ARHGEF40: variants seen among roughly 807,000 people sequenced by gnomAD.
The protein encoded by ARHGEF40 is Rho guanine nucleotide exchange factor (GEF) 40.
In ARHGEF40, 98 loss-of-function variants were observed where a neutral mutation model predicts 165.9. That is an observed-to-expected ratio of 0.59 (90% CI 0.50 to 0.70). The LOEUF (loss-of-function observed/expected upper bound fraction) is 0.70, where lower values mean the gene tolerates loss of function less well. Ranked by LOEUF, ARHGEF40 falls within the 30% of genes least tolerant of loss-of-function variation. The probability of loss-of-function intolerance (pLI) is 0.00; values close to 1 mark genes in which losing one functional copy is unlikely to be tolerated. For synonymous variants in ARHGEF40, 792 were observed against 814.3 expected, an observed-to-expected ratio of 0.97 and a Z score of 0.47; for missense variants, 1,815 against 1,968.0, an observed-to-expected ratio of 0.92 and a Z score of 1.47.
intron 23 of ARHGEF40, 25 bp from the exon 24 acceptor site, chr14:21,088,989 C>CT: frequency 9.7e-7 from 1 of 1,030,246 alleles, no homozygotes; most frequent in South Asian, 1.5e-5. Context: ...CCCAACTCAT[C>CT]TCCCTCTTCT....
chr14:21,077,642 C>T (rs994758756), intron 8 of ARHGEF40, among the ~76,000 whole-genome samples: 1 of 152,108 alleles, frequency 6.6e-6, no homozygotes, highest in African/African-American at 2.4e-5. Context: ...TCCTCATCAG[C>T]GCAGTATAAC....
chr14:21,080,921 A>G lies in ARHGEF40; in HGVS notation c.2545A>G (p.Thr849Ala). ...GGCCCTGGCTCTGGAGGAGAATGCC[A>G]CCTCCCAGAAGGTGCTGGATATCTT... ...REALALEENA[T>A]SQKVLDIFEQ... The change falls in exon 13 of 24, where the codon ACC becomes GCC. Residue 849 changes from threonine (T) to alanine (A), a missense_variant. Coordinates refer to ENST00000298694, the MANE Select transcript of ARHGEF40 (RefSeq NM_018071.5). 2 of 1,614,056 alleles carry G rather than the reference A, an allele frequency of 1.2e-6. No homozygotes were observed. Among genetic ancestry groups the G allele is most frequent in the South Asian group, 2.2e-5 (2 of 91,068 alleles).
Position 21,075,276 on chromosome 14 carries a change from A to C in ARHGEF40, c.1451-56A>C. 1 of 1,603,220 alleles carries C rather than the reference A, an allele frequency of 6.2e-7. No homozygotes were observed. The highest frequency in any genetic ancestry group is 8.5e-7 in the Non-Finnish European group (1 of 1,174,886). On this transcript the variant is annotated intron_variant, in intron 3 of 23. Transcript: ENST00000298694. This position sits in a 1 kb window ranked among gnomAD's most constrained non-coding sequence, Gnocchi z 4.5. ...GGAGGAGCAGGGTTAGGCTGGGAGC[A>C]GAACAACCAGAACCATCTTAACTTC...
At chr14:21,081,176 G>A (rs61978202) in intron 13 of ARHGEF40, 160 bp downstream of exon 13, 57,283 of 1,193,318 alleles carry the variant, frequency 0.048, 1,537 homozygotes, top group South Asian at 0.076. Context: ...ATGGCATGGG[G>A]CAAGATACTA....
intron 15 of ARHGEF40, 85 bp from the exon 16 acceptor site, chr14:21,082,746 T>C (rs1460885952): frequency 2.8e-6 from 4 of 1,412,822 alleles, no homozygotes; most frequent in Non-Finnish European, 4.0e-6. Flanking sequence ...TCATTTGGGC[T>C]ACAGAGAGGA....
At chr14:21,088,940 T>A in intron 23 of ARHGEF40, 64 bp downstream of exon 23, 1 of 1,530,536 alleles carries the variant, frequency 6.5e-7, no homozygotes, top group Middle Eastern at 1.8e-4. Flanking sequence ...GTACCTTCCT[T>A]CCTGTCCCCG....
At position 21,088,041 on chromosome 14, in the gene ARHGEF40, C is replaced by A. The variant is rs749907421; in HGVS notation, c.4461C>A (p.His1487Gln). 3 of 1,614,052 alleles carry A rather than the reference C, an allele frequency of 1.9e-6. No individual in the cohort carries two copies. The East Asian group carries it at 6.7e-5, about 36-fold the overall frequency. The change falls in exon 22 of 24, where the codon CAC (histidine) becomes CAA (glutamine). Residue 1487 changes from histidine to glutamine, a missense_variant. Coordinates refer to ENST00000298694, the MANE Select transcript of ARHGEF40 (RefSeq NM_018071.5). ...PRNSPSLQPP[H>Q]PGSSTPTLAS... is the part of the protein sequence containing the mutation. ...ACAGCCCCAGCCTGCAACCCCCCCA[C>A]CCTGGGAGCAGCACTCCCACCCTGG...
At chr14:21,066,345 G>T (rs1886265796), upstream of ARHGEF40, among the ~76,000 whole-genome samples, 1 of 150,840 alleles carries the variant, frequency 6.6e-6, no homozygotes, top group Non-Finnish European at 1.5e-5. Flanking sequence ...TTTGGAGACG[G>T]AGTCTCACTT....
chr14:21,085,103 G>T (rs1291940027), intron 18 of ARHGEF40, among the ~76,000 whole-genome samples, 180 bp downstream of exon 18: 1 of 152,132 alleles, frequency 6.6e-6, no homozygotes, highest in Non-Finnish European at 1.5e-5. Context: ...CCCTGTCTTT[G>T]GTCTACCTCA....
upstream of ARHGEF40, among the ~76,000 whole-genome samples, chr14:21,065,574 A>C (rs1180572685): frequency 6.6e-6 from 1 of 152,222 alleles, no homozygotes; most frequent in Non-Finnish European, 1.5e-5. Context: ...AAATGCTATG[A>C]AGAAAATACA....
At chr14:21,069,428 ACTGGAGGCCTGGTGCCTTCCCTCTT>A (rs1886495086), upstream of ARHGEF40, among the ~76,000 whole-genome samples, 1 of 152,184 alleles carries the variant, frequency 6.6e-6, no homozygotes, top group Non-Finnish European at 1.5e-5. Context: ...GAATCCTCGA[ACTGGAGGCCTGGTGCCTTCCCTCTT>A]CTAGCCGAAT....
Position 21,073,112 on chromosome 14 carries a change from C to T in ARHGEF40, c.71C>T (p.Thr24Ile). 1 of 1,614,180 alleles carries T rather than the reference C, an allele frequency of 6.2e-7. No homozygotes were observed. The highest frequency in any genetic ancestry group is 1.1e-5 in the South Asian group (1 of 91,088). Residue 24 changes from threonine (T) to isoleucine (I), a missense_variant, in exon 2 of 24, where the codon ACA becomes ATA. Transcript: ENST00000298694. The surrounding 1 kb of genome is among the most constrained non-coding windows in gnomAD (Gnocchi z 4.6). ...LAALYPPFEA[T>I]APTLLGQVFQ... ...GCCCTGTATCCACCCTTTGAGGCAA[C>T]AGCCCCCACCCTGTTGGGCCAGGTG...
chr14:21,068,914 G>A (rs1886447420), upstream of ARHGEF40, among the ~76,000 whole-genome samples: 1 of 152,226 alleles, frequency 6.6e-6, no homozygotes, highest in African/African-American at 2.4e-5. Flanking sequence ...AGAAGAGCAA[G>A]TCACCTTGGC....
intron 16 of ARHGEF40, among the ~76,000 whole-genome samples, chr14:21,083,423 A>G (rs1390953177): frequency 2.7e-5 from 4 of 150,392 alleles, no homozygotes; most frequent in African/African-American, 9.8e-5. Flanking sequence ...GGTGGCGGGC[A>G]CCTGTAGTCC....
chr14:21,081,812 C>T lies in ARHGEF40; in HGVS notation c.2944C>T (p.Pro982Ser), dbSNP rs1213292200. ...CAGCAGTGGAGGGGCCCAGTGGGGG[C>T]CCCGCAGCCCCTCGCCCAGCCTCAG... ...GASSGGAQWG[P>S]RSPSPSLSSL... Residue 982 changes from proline (P) to serine (S), a missense_variant, in exon 14 of 24, where the codon CCC (proline) becomes TCC (serine). By Grantham distance (74) the Pro-to-Ser change is moderately conservative. Transcript: ENST00000298694. 1 of 1,602,464 alleles carries T rather than the reference C, an allele frequency of 6.2e-7. No homozygotes were observed. Among genetic ancestry groups the T allele is most frequent in the South Asian group, 1.1e-5 (1 of 89,874 alleles).
Position 21,081,828 on chromosome 14 carries a change from C to T in ARHGEF40, c.2960C>T (p.Pro987Leu), listed in dbSNP as rs760420876. 28 of 1,608,638 alleles carry T rather than the reference C, an allele frequency of 1.7e-5. No individual in the cohort carries two copies. The South Asian group carries it at 3.0e-4, about 17-fold the overall frequency. The change falls in exon 14 of 24, where the codon CCC (proline) becomes CTC (leucine). Residue 987 changes from proline to leucine, a missense_variant. Transcript: ENST00000298694. ...GAQWGPRSPSPSLSSLLLPSS... is the reference protein window; with the variant it reads ...GAQWGPRSPSLSLSSLLLPSS... ...CAGTGGGGGCCCCGCAGCCCCTCGC[C>T]CAGCCTCAGCTCCTTGCTGCTCCCC...
Position 21,074,885 on chromosome 14 carries a change from T to C in ARHGEF40, c.1155T>C (p.Ala385=). 1.9e-6 allele frequency: 3 copies of C among 1,610,594 alleles called. No individual in the cohort carries two copies. The highest frequency in any genetic ancestry group is 2.5e-6 in the Non-Finnish European group (3 of 1,178,700). ...TGKGNRRKKR[A]AGRGALSRGG... ...AAGGAAACAGAAGAAAGAAGCGAGC[T>C]GCAGGTCGAGGGGCTCTTAGCCGAG... The change falls in exon 3 of 24, where the codon GCT becomes GCC. Residue 385 remains alanine (A), a synonymous_variant. Coordinates refer to ENST00000298694, the MANE Select transcript of ARHGEF40 (RefSeq NM_018071.5). This position sits in a 1 kb window ranked among gnomAD's most constrained non-coding sequence, Gnocchi z 4.8.
At chr14:21,080,842 A>G in intron 12 of ARHGEF40, 31 bp from the exon 13 acceptor site, 1 of 1,610,032 alleles carries the variant, frequency 6.2e-7, no homozygotes, top group South Asian at 1.1e-5. Flanking sequence ...AGGAGTGAGG[A>G]CCAGGTCTGA....
chr14:21,090,213 T>G lies in ARHGEF40; in HGVS notation c.*1205T>G. On this transcript the variant is annotated 3_prime_UTR_variant, in exon 24 of 24. Coordinates refer to ENST00000298694, the MANE Select transcript of ARHGEF40 (RefSeq NM_018071.5). The surrounding 1 kb of genome is among the most constrained non-coding windows in gnomAD (Gnocchi z 4.4). ...CAGTGCCCCCCACCCTCACCCCTTG[T>G]ACAAAAATAAACTCTCACGCCTATG... The G allele has an allele frequency of 3.5e-6, 2 of 574,954 alleles. No homozygotes were observed. Among genetic ancestry groups the G allele is most frequent in the Non-Finnish European group, 6.6e-6 (2 of 302,840 alleles). 35.6% of individuals were successfully genotyped at this position (574,954 alleles called of 1,614,324 possible).
Sources: gnomAD v4.1 joint callset for allele counts (sites outside exome capture counted in the v4.1 genomes callset) on GRCh38, gnomAD v4.1.1 for gene constraint, Gnocchi (gnomAD v3.1) non-coding constraint, MANE v1.5 for transcripts, NCBI Gene and HGNC (gene_info 2026-07-23, HGNC 2026-07-21) for gene names.